FLG: variants seen among roughly 807,000 people sequenced by gnomAD.
The protein encoded by FLG is epidermal filaggrin.
FLG carries 6 observed loss-of-function variants against 3.8 expected under a neutral mutation model. The ratio of observed to expected loss-of-function variants is 1.60; its 90% CI spans 0.87 to 3.15. FLG has a LOEUF of 3.15. FLG is among the 30% of genes most tolerant of loss of function. The pLI is 0.00. For synonymous variants in FLG, 2,551 were observed against 1,931.6 expected (o/e 1.32, Z -8.41); for missense variants, 7,595 against 5,050.9 (o/e 1.50, Z -15.27).
In FLG at chr1:152,309,154, C is replaced by T. The variant is rs751835907; in HGVS notation, c.5732G>A (p.Ser1911Asn). ...GQGQSSGPRT[S>N]RNQGSSVSQD... Reference sequence around the variant, plus strand: ...GCTAACACTGGATCCCTGGTTCCTGCTTGTCCTGGGCCCTGATGATTGTCC... The same window carrying T: ...GCTAACACTGGATCCCTGGTTCCTGTTTGTCCTGGGCCCTGATGATTGTCC... The change falls in exon 3 of 3, where the codon AGC becomes AAC. Residue 1911 changes from serine to asparagine, a missense_variant. Physicochemically the swap from Ser to Asn is conservative, Grantham distance 46 (BLOSUM62 1). Coordinates refer to ENST00000368799, the MANE Select transcript of FLG (RefSeq NM_002016.2). 162 of 1,613,510 alleles carry T rather than the reference C, an allele frequency of 1.0e-4. No homozygotes were observed. Among genetic ancestry groups the T allele is most frequent in the East Asian group, 6.9e-4 (31 of 44,832 alleles).
In FLG at chr1:152,311,309, A is replaced by C. The variant is rs746537939; in HGVS notation, c.3577T>G (p.Ser1193Ala). ...QSVDRSGHSG[S>A]HHSHTTSQGR... ...TGGGATGTGGTGTGGCTGTGATGGG[A>C]CCCTGAGTGTCCAGATCTATCTACC... The change falls in exon 3 of 3, where the codon TCC (serine) becomes GCC (alanine). Residue 1193 changes from serine (S) to alanine (A), a missense_variant. Transcript: ENST00000368799. 1.2e-6 allele frequency: 2 copies of C among 1,612,942 alleles called. No homozygotes were observed. Among genetic ancestry groups the C allele is most frequent in the Admixed American group, 3.3e-5 (2 of 59,902 alleles).
intron 1 of FLG, among the ~76,000 whole-genome samples, chr1:152,319,752 T>G (rs1652897112): frequency 6.6e-6 from 1 of 151,254 alleles, no homozygotes; most frequent in Non-Finnish European, 1.5e-5. Context: ...AGAAAACATG[T>G]AAAGATATTT....
chr1:152,304,153 G>C lies in FLG; in HGVS notation c.10733C>G (p.Pro3578Arg). The C allele has an allele frequency of 1.2e-6, 2 of 1,605,614 alleles. No homozygotes were observed. The highest frequency in any genetic ancestry group is 1.7e-6 in the Non-Finnish European group (2 of 1,178,816). ...QEQSRDGSRH[P>R]TSHHEDRAGH... ...GGCTCTGTCTTCGTGATGGGACGTG[G>C]GGTGTCTGGAGCCATCTCTTGACTG... The change falls in exon 3 of 3, where the codon CCC (proline) becomes CGC (arginine). Residue 3578 changes from proline to arginine, a missense_variant. Physicochemically the swap from Pro to Arg is moderately radical, Grantham distance 103. Coordinates refer to ENST00000368799, the MANE Select transcript of FLG (RefSeq NM_002016.2).
rs1651683776 is a variant in FLG, at chr1:152,302,707, T to C, written c.12179A>G (p.Tyr4060Cys). Residue 4060 changes from tyrosine to cysteine, a missense_variant, in exon 3 of 3, where the codon TAT becomes TGT. Coordinates refer to ENST00000368799, the MANE Select transcript of FLG (RefSeq NM_002016.2). ...GFSQSQRYYY[Y>C]E is the part of the protein sequence containing the mutation. The stretch of plus-strand genomic sequence containing the variant: ...TCCTTTGCCATTAATTTCTTACTCA[T>C]AGTAATAGTATCTCTGTGACTGACT... 2 of 1,613,306 alleles carry C rather than the reference T, an allele frequency of 1.2e-6. No individual in the cohort carries two copies. Among genetic ancestry groups the C allele is most frequent in the Non-Finnish European group, 1.7e-6 (2 of 1,179,280 alleles).
At chr1:152,325,005 A>G (rs908335275) in intron 1 of FLG, among the ~76,000 whole-genome samples, 184 bp downstream of exon 1, 1 of 151,864 alleles carries the variant, frequency 6.6e-6, no homozygotes, top group African/African-American at 2.4e-5. Context: ...GAGTAGCTCC[A>G]TGGAAAGCAA....
intron 1 of FLG, among the ~76,000 whole-genome samples, chr1:152,322,888 A>C (rs565707944): frequency 2.0e-5 from 3 of 151,422 alleles, no homozygotes; most frequent in Non-Finnish European, 4.4e-5. Context: ...TGATTTCTAA[A>C]ATTTATATGA....
In FLG at chr1:152,310,221, C is replaced by T. The variant is rs1485881260; in HGVS notation, c.4665G>A (p.Arg1555=). ...RNEEQSGDGS[R]HSGSRHHEPS... ...GTTCATGGTGACGTGACCCTGAGTG[C>T]CTGGAGCCGTCTCCTGATTGTTCCT... Residue 1555 remains arginine (R), a synonymous_variant, in exon 3 of 3, where the codon AGG becomes AGA. Transcript: ENST00000368799. The T allele has an allele frequency of 3.7e-6, 6 of 1,613,760 alleles. No homozygotes were observed. Among genetic ancestry groups the T allele is most frequent in the South Asian group, 1.1e-5 (1 of 91,054 alleles).
Position 152,307,820 on chromosome 1 carries a change from T to C in FLG, c.7066A>G (p.Arg2356Gly). The change falls in exon 3 of 3, where the codon AGA (arginine) becomes GGA (glycine). Residue 2356 changes from arginine to glycine, a missense_variant. By Grantham distance (125) the Arg-to-Gly change is moderately radical (BLOSUM62 -2). Coordinates refer to ENST00000368799, the MANE Select transcript of FLG (RefSeq NM_002016.2). The part of the protein sequence containing the change: ...IGHGQASSAV[R>G]DSGHRGSSGS... ...CTGGACCCTCGGTGTCCACTGTCTC[T>C]GACTGCAGATGAAGCTTGTCCGTGC... 6 of 1,613,456 alleles carry C rather than the reference T, an allele frequency of 3.7e-6. No individual in the cohort carries two copies. The highest frequency in any genetic ancestry group is 5.1e-6 in the Non-Finnish European group (6 of 1,179,896).
chr1:152,314,404 C>A lies in FLG; in HGVS notation c.482G>T (p.Arg161Ile). 6.2e-7 allele frequency: 1 copy of A among 1,613,050 alleles called. No individual in the cohort carries two copies. Among genetic ancestry groups the A allele is most frequent in the African/African-American group, 1.3e-5 (1 of 74,912 alleles). ...RHESSSEKKERKGYSPTHREE... is the reference protein window; with the variant it reads ...RHESSSEKKEIKGYSPTHREE... ...TCTATGAGTAGGTGAATATCCTTTT[C>A]TTTCTTTTTTTTCAGAACTAGATTC... Residue 161 changes from arginine (R) to isoleucine (I), a missense_variant, in exon 3 of 3, where the codon AGA (arginine) becomes ATA (isoleucine). Arg to Ile is a moderately conservative substitution (Grantham distance 97). Coordinates refer to ENST00000368799, the MANE Select transcript of FLG (RefSeq NM_002016.2).
At position 152,304,204 on chromosome 1, in the gene FLG, C is replaced by G. The variant is rs1418630284; in HGVS notation, c.10682G>C (p.Arg3561Thr). 4 of 1,611,916 alleles carry G rather than the reference C, an allele frequency of 2.5e-6. No individual in the cohort carries two copies. The South Asian group carries it at 4.4e-5, about 18-fold the overall frequency. Residue 3561 changes from arginine to threonine, a missense_variant, in exon 3 of 3, where the codon AGA becomes ACA. Transcript: ENST00000368799. ...DSERWSGSAS[R>T]NHRGSAQEQS... is the part of the protein sequence containing the mutation. ...CTCCTGAGCAGATCCACGATGGTTT[C>G]TGGAAGCAGACCCAGACCACCTCTC...
chr1:152,310,621 C>T lies in FLG; in HGVS notation c.4265G>A (p.Ser1422Asn). The part of the protein sequence containing the change: ...AHGQAGPHQQ[S>N]HKESARGQSG... The stretch of plus-strand genomic sequence containing the variant: ...CTGGCCACGTGCGGACTCTTTGTGG[C>T]TCTGCTGATGGGGCCCAGCTTGTCC... The change falls in exon 3 of 3, where the codon AGC becomes AAC. Residue 1422 changes from serine to asparagine, a missense_variant. Transcript: ENST00000368799. 3 of 1,613,994 alleles carry T rather than the reference C, an allele frequency of 1.9e-6. No individual in the cohort carries two copies. The highest frequency in any genetic ancestry group is 1.1e-5 in the South Asian group (1 of 91,064).
Position 152,312,170 on chromosome 1 carries a change from A to G in FLG, c.2716T>C (p.Ser906Pro), listed in dbSNP as rs542750791. ...TRNEEQSRDG[S>P]RHSGSRHHEA... Reference sequence around the variant, plus strand: ...TGGTGACGTGACCCTGAGTGCCTGGAGCCGTCTCTTGATTGTTCCTCATTA... The same window carrying G: ...TGGTGACGTGACCCTGAGTGCCTGGGGCCGTCTCTTGATTGTTCCTCATTA... The change falls in exon 3 of 3, where the codon TCC becomes CCC. Residue 906 changes from serine to proline, a missense_variant. Coordinates refer to ENST00000368799, the MANE Select transcript of FLG (RefSeq NM_002016.2). 10 of 1,613,728 alleles carry G rather than the reference A, an allele frequency of 6.2e-6. No homozygotes were observed. In the South Asian group the frequency reaches 8.8e-5, roughly 14 times the overall value.
Position 152,307,944 on chromosome 1 carries a change from C to A in FLG, c.6942G>T (p.Gln2314His), listed in dbSNP as rs773182831. The A allele has an allele frequency of 6.2e-7, 1 of 1,614,154 alleles. No homozygotes were observed. Among genetic ancestry groups the A allele is most frequent in the Non-Finnish European group, 8.5e-7 (1 of 1,180,046 alleles). Residue 2314 changes from glutamine to histidine, a missense_variant, in exon 3 of 3, where the codon CAG (glutamine) becomes CAT (histidine). Transcript: ENST00000368799. ...TTGCCTGTTCATGGGATGATGCAGC[C>A]TGTCCACCAGAGGAATTCTCTGCAT... ...THHAENSSGG[Q>H]AASSHEQARS...
In FLG at chr1:152,314,484, T is replaced by C; in HGVS notation, c.402A>G (p.Arg134=). ...RPSSLERRNN[R]KGNKGRSKSP... ...TCTTGGATCTTCCCTTATTCCCTTT[T>C]CTATTGTTTCTTCTTTCCAGACTTG... is the stretch of plus-strand genomic sequence containing the variant. Residue 134 remains arginine, a synonymous_variant, in exon 3 of 3, where the codon AGA becomes AGG. Transcript: ENST00000368799. 6.2e-7 allele frequency: 1 copy of C among 1,613,764 alleles called. No individual in the cohort carries two copies. Among genetic ancestry groups the C allele is most frequent in the Non-Finnish European group, 8.5e-7 (1 of 1,179,820 alleles).
In FLG at chr1:152,312,361, C is replaced by A. The variant is rs374217178; in HGVS notation, c.2525G>T (p.Arg842Leu). ...SASQDGQDTI[R>L]GHPGSSRRGR... ...TCTTCTGCTTGACCCCGGGTGTCCACGAATGGTGTCCTGACCATCTTGGGA... is the reference window on the plus strand; with the variant it reads ...TCTTCTGCTTGACCCCGGGTGTCCAAGAATGGTGTCCTGACCATCTTGGGA... The change falls in exon 3 of 3, where the codon CGT becomes CTT. Residue 842 changes from arginine (R) to leucine (L), a missense_variant. Arg to Leu is a moderately radical substitution (Grantham distance 102). Transcript: ENST00000368799. 1.9e-6 allele frequency: 3 copies of A among 1,611,372 alleles called. No homozygotes were observed. Among genetic ancestry groups the A allele is most frequent in the Non-Finnish European group, 1.7e-6 (2 of 1,179,356 alleles).
At position 152,302,605 on chromosome 1, in the gene FLG, A is replaced by G; in HGVS notation, c.*95T>C. The G allele has an allele frequency of 6.7e-7, 1 of 1,501,174 alleles. No individual in the cohort carries two copies. Among genetic ancestry groups the G allele is most frequent in the South Asian group, 1.3e-5 (1 of 79,778 alleles). The allele number at this position is 1,501,174 out of a possible 1,614,324, so 93.0% of individuals were successfully genotyped here. A position where few individuals can be genotyped will look rare whatever the true frequency, so the allele number is the denominator to read the frequency against. On this transcript the variant is annotated 3_prime_UTR_variant, in exon 3 of 3. Coordinates refer to ENST00000368799, the MANE Select transcript of FLG (RefSeq NM_002016.2). ...ATATTTTAAACAGATTGACAGGAAAAGATAACTTCCCTGAAAGTATTATGA... is the reference window on the plus strand; with the variant it reads ...ATATTTTAAACAGATTGACAGGAAAGGATAACTTCCCTGAAAGTATTATGA...
chr1:152,312,766 C>T lies in FLG; in HGVS notation c.2120G>A (p.Arg707Lys). 1 of 1,614,048 alleles carries T rather than the reference C, an allele frequency of 6.2e-7. No homozygotes were observed. Among genetic ancestry groups the T allele is most frequent in the Non-Finnish European group, 8.5e-7 (1 of 1,180,024 alleles). ...CTGGAGCTGGTGGCGGGATCCATGT[C>T]TTTCTCCTGCACTTGATCTTGCCTG... Reference protein sequence around the residue: ...HEQARSSAGERHGSRHQLQSA... With the variant: ...HEQARSSAGEKHGSRHQLQSA... The change falls in exon 3 of 3, where the codon AGA becomes AAA. Residue 707 changes from arginine (R) to lysine (K), a missense_variant. Arg to Lys is a conservative substitution (Grantham distance 26). Coordinates refer to ENST00000368799, the MANE Select transcript of FLG (RefSeq NM_002016.2).
rs1267753648 is a variant in FLG at position 152,307,474 on chromosome 1, C to A, written c.7412G>T (p.Gly2471Val). The A allele has an allele frequency of 6.2e-7, 1 of 1,613,244 alleles. No homozygotes were observed. Among genetic ancestry groups the A allele is most frequent in the Non-Finnish European group, 8.5e-7 (1 of 1,179,720 alleles). ...TIHGHPGSSS[G>V]GRQGSHYEQL... ...CTCGTAGTGGGATCCCTGCCTTCCT[C>A]CACTGCTTGACCCCGGGTGTCCATG... The change falls in exon 3 of 3, where the codon GGA becomes GTA. Residue 2471 changes from glycine to valine, a missense_variant. Transcript: ENST00000368799.
chr1:152,305,115 A>G lies in FLG; in HGVS notation c.9771T>C (p.His3257=). The G allele has an allele frequency of 1.2e-6, 2 of 1,613,744 alleles. No individual in the cohort carries two copies. The highest frequency in any genetic ancestry group is 1.7e-6 in the Non-Finnish European group (2 of 1,179,918). Residue 3257 remains histidine, a synonymous_variant, in exon 3 of 3, where the codon CAT becomes CAC. Transcript: ENST00000368799. ...SRHGSRHPRS[H]HEDRAGHGHS... Reference sequence around the variant, plus strand: ...GCCCGTGACCGGCTCTGTCTTCGTGATGGGACCTGGGGTGTCTGGAGCCGT... The same window carrying G: ...GCCCGTGACCGGCTCTGTCTTCGTGGTGGGACCTGGGGTGTCTGGAGCCGT...
Sources: allele counts gnomAD v4.1 joint callset (sites outside exome capture counted in the v4.1 genomes callset), GRCh38; gene constraint gnomAD v4.1.1; transcripts MANE v1.5; gene names NCBI Gene and HGNC (gene_info 2026-07-23, HGNC 2026-07-21).